EEF1D: variants seen among roughly 807,000 people sequenced by gnomAD.
The protein encoded by EEF1D is eukaryotic translation elongation factor 1 delta.
EEF1D carries 47 observed loss-of-function variants against 63.9 expected under a neutral mutation model. The observed-to-expected ratio is 0.74, with a 90% CI of 0.58 to 0.94. EEF1D has a LOEUF of 0.94. Ranked by LOEUF, EEF1D falls within the 40% of genes least tolerant of loss-of-function variation. The pLI is 0.00. For missense variants in EEF1D, 907 were observed against 899.0 expected, an observed-to-expected ratio of 1.01 and a Z score of -0.11; for synonymous variants, 412 against 386.1, an observed-to-expected ratio of 1.07 and a Z score of -0.79.
chr8:143,583,195 G>A (rs1200776264), intron 5 of EEF1D: 3 of 152,280 alleles, frequency 2.0e-5, no homozygotes, highest in East Asian at 1.9e-4. Context: ...AAGACATGGA[G>A]AAGACGGTCT....
rs1282714431 is a variant in EEF1D at position 143,586,822 on chromosome 8, A to G, written c.1122T>C (p.His374=). The change falls in exon 4 of 10, where the codon CAT becomes CAC. Residue 374 remains histidine (H), a synonymous_variant. Coordinates refer to ENST00000618139, the MANE Select transcript of EEF1D (RefSeq NM_001130053.5). Reference sequence around the variant, plus strand: ...TGAACTTGTCGAACCAGATCTTCTCATGTGCTAGGAAGTTTGTAGCCATTT... The same window carrying G: ...TGAACTTGTCGAACCAGATCTTCTCGTGTGCTAGGAAGTTTGTAGCCATTT... ...NRKMATNFLA[H]EKIWFDKFKY... is the part of the protein sequence containing the mutation. The G allele has an allele frequency of 6.2e-7, 1 of 1,613,982 alleles. No homozygotes were observed. Among genetic ancestry groups the G allele is most frequent in the Non-Finnish European group, 8.5e-7 (1 of 1,179,958 alleles).
Position 143,589,739 on chromosome 8 carries a change from T to C in EEF1D, c.343A>G (p.Lys115Glu). Residue 115 changes from lysine (K) to glutamate (E), a missense_variant, in exon 3 of 10, where the codon AAG becomes GAG. By Grantham distance (56) the Lys-to-Glu change is moderately conservative. Coordinates refer to ENST00000618139, the MANE Select transcript of EEF1D (RefSeq NM_001130053.5). ...GLSAERVWLD[K>E]SLFDQAESSY... is the part of the protein sequence containing the mutation. ...CTCTCTGCCTGGTCGAAAAGTGACT[T>C]GTCCAGCCACACGCGTTCGGCCGAG... 6.6e-7 allele frequency: 1 copy of C among 1,524,920 alleles called. No individual in the cohort carries two copies. 94.5% of individuals were successfully genotyped at this position (1,524,920 alleles called of 1,614,324 possible). A position where few individuals can be genotyped will look rare whatever the true frequency, so the allele number is the denominator to read the frequency against.
chr8:143,588,876 C>T (rs891703097), intron 3 of EEF1D, 115 bp downstream of exon 3: 9 of 1,384,220 alleles, frequency 6.5e-6, no homozygotes, highest in Middle Eastern at 2.6e-4. Flanking sequence ...CCACGGGTCT[C>T]GGGGAGCCCC....
rs770641443 is a variant in EEF1D, at chr8:143,589,214, C to G, written c.868G>C (p.Gly290Arg). The G allele has an allele frequency of 6.3e-7, 1 of 1,582,800 alleles. No individual in the cohort carries two copies. Among genetic ancestry groups the G allele is most frequent in the African/African-American group, 1.3e-5 (1 of 74,434 alleles). Residue 290 changes from glycine to arginine, a missense_variant, in exon 3 of 10, where the codon GGG becomes CGG. Gly to Arg is a moderately radical substitution (Grantham distance 125). Coordinates refer to ENST00000618139, the MANE Select transcript of EEF1D (RefSeq NM_001130053.5). Reference sequence around the variant, plus strand: ...GCCTCCCCATCGGCCCGTCGCAGCCCGGCCCGCTTGTTCCCTAAGATGTTG... The same window carrying G: ...GCCTCCCCATCGGCCCGTCGCAGCCGGGCCCGCTTGTTCCCTAAGATGTTG... ...GRNILGNKRA[G>R]LRRADGEAPS...
intron 4 of EEF1D, 59 bp downstream of exon 4, chr8:143,586,670 G>A (rs1826701610): frequency 1.9e-6 from 3 of 1,592,538 alleles, no homozygotes; most frequent in Middle Eastern, 2.2e-4. Flanking sequence ...CGCTTTGTGT[G>A]CCCCGGCCAC....
Position 143,589,750 on chromosome 8 carries a change from A to C in EEF1D, c.332T>G (p.Val111Gly). The change falls in exon 3 of 10, where the codon GTG becomes GGG. Residue 111 changes from valine to glycine, a missense_variant. By Grantham distance (109) the Val-to-Gly change is moderately radical (BLOSUM62 -3). Transcript: ENST00000618139. Reference protein sequence around the residue: ...LALLGLSAERVWLDKSLFDQA... With the variant: ...LALLGLSAERGWLDKSLFDQA... The stretch of plus-strand genomic sequence containing the variant: ...GTCGAAAAGTGACTTGTCCAGCCAC[A>C]CGCGTTCGGCCGAGAGGCCCAGGAG... 1.3e-6 allele frequency: 2 copies of C among 1,532,488 alleles called. No homozygotes were observed. The highest frequency in any genetic ancestry group is 1.8e-6 in the Non-Finnish European group (2 of 1,140,684). 94.9% of individuals were successfully genotyped at this position (1,532,488 alleles called of 1,614,324 possible).
rs778012988 is a variant in EEF1D, at chr8:143,589,161, G to A, written c.921C>T (p.Phe307=). Residue 307 remains phenylalanine (F), a synonymous_variant, in exon 3 of 10, where the codon TTC becomes TTT. Coordinates refer to ENST00000618139, the MANE Select transcript of EEF1D (RefSeq NM_001130053.5). ...EAPSALPYCY[F]LQKDAEAPWL... The stretch of plus-strand genomic sequence containing the variant: ...AGGGGGCCTCTGCATCCTTCTGCAG[G>A]AAGTAACAGTAGGGCAAGGCAGAGG... 1.2e-6 allele frequency: 2 copies of A among 1,607,480 alleles called. No individual in the cohort carries two copies. The highest frequency in any genetic ancestry group is 1.7e-6 in the Non-Finnish European group (2 of 1,177,220).
chr8:143,589,291 C>A lies in EEF1D; in HGVS notation c.791G>T (p.Arg264Leu). 3 of 1,586,216 alleles carry A rather than the reference C, an allele frequency of 1.9e-6. No individual in the cohort carries two copies. Among genetic ancestry groups the A allele is most frequent in the Non-Finnish European group, 2.6e-6 (3 of 1,165,654 alleles). Reference protein sequence around the residue: ...HPPGKVRLQERAGLAEGARRG... With the variant: ...HPPGKVRLQELAGLAEGARRG... Reference sequence around the variant, plus strand: ...CCGGGCACCCTCGGCCAGGCCGGCTCGCTCTTGCAGGCGCACCTTCCCTGG... The same window carrying A: ...CCGGGCACCCTCGGCCAGGCCGGCTAGCTCTTGCAGGCGCACCTTCCCTGG... The change falls in exon 3 of 10, where the codon CGA becomes CTA. Residue 264 changes from arginine (R) to leucine (L), a missense_variant. Transcript: ENST00000618139.
intron 5 of EEF1D, chr8:143,585,962 CAGCCGGCCCCACAGG>C: frequency 2.2e-6 from 1 of 462,916 alleles, no homozygotes; most frequent in Non-Finnish European, 3.9e-6. Context: ...ACTCAGCTCC[CAGCCGGCCCCACAGG>C]AGCGGCCAGT....
chr8:143,581,375 G>T, intron 5 of EEF1D, 47 bp from the exon 6 acceptor site: 1 of 1,547,738 alleles, frequency 6.5e-7, no homozygotes, highest in Non-Finnish European at 8.8e-7. Flanking sequence ...CCTGCTCCTA[G>T]GGTCCCCCTG....
intron 2 of EEF1D, 34 bp from the exon 3 acceptor site, chr8:143,590,115 G>A (rs1191894610): frequency 1.9e-6 from 3 of 1,597,986 alleles, no homozygotes; most frequent in Non-Finnish European, 2.5e-6. Flanking sequence ...CAAGCAGAGG[G>A]CAGAGTTGCA....
In EEF1D at chr8:143,589,800, G is replaced by A. The variant is rs146096793; in HGVS notation, c.282C>T (p.Ser94=). The A allele has an allele frequency of 5.1e-5, 81 of 1,593,608 alleles. No individual in the cohort carries two copies. The African/African-American group carries it at 9.2e-4, about 18-fold the overall frequency. ...LQKKRKRSPK[S]GLGPADLALL... Reference sequence around the variant, plus strand: ...GGGCCAGGTCCGCGGGGCCGAGCCCGCTCTTGGGGGAGCGCTTCCTCTTTT... The same window carrying A: ...GGGCCAGGTCCGCGGGGCCGAGCCCACTCTTGGGGGAGCGCTTCCTCTTTT... The change falls in exon 3 of 10, where the codon AGC becomes AGT. Residue 94 remains serine (S), a synonymous_variant. Coordinates refer to ENST00000618139, the MANE Select transcript of EEF1D (RefSeq NM_001130053.5).
intron 9 of EEF1D, 83 bp downstream of exon 9, chr8:143,579,929 C>T (rs1824996415): frequency 6.4e-7 from 1 of 1,554,092 alleles, no homozygotes; most frequent in Non-Finnish European, 8.7e-7. Context: ...GGACTCGCTC[C>T]CCACTGCCGT....
In EEF1D at chr8:143,581,228, C is replaced by A; in HGVS notation, c.1387+1G>T. ...CCCAACCCACTGGCCCGGGGCCTCACCGCCACGCAGACTCTGGTTCTCCAC... is the reference window on the plus strand; with the variant it reads ...CCCAACCCACTGGCCCGGGGCCTCAACGCCACGCAGACTCTGGTTCTCCAC... On this transcript the variant is annotated splice_donor_variant, in intron 6 of 9. Coordinates refer to ENST00000618139, the MANE Select transcript of EEF1D (RefSeq NM_001130053.5). LOFTEE classifies it high-confidence loss of function. 6.2e-7 allele frequency: 1 copy of A among 1,612,800 alleles called. No homozygotes were observed. The highest frequency in any genetic ancestry group is 8.5e-7 in the Non-Finnish European group (1 of 1,179,944).
chr8:143,580,822 C>T (rs1342751979), intron 7 of EEF1D, 95 bp from the exon 8 acceptor site: 32 of 1,432,918 alleles, frequency 2.2e-5, no homozygotes, highest in Non-Finnish European at 6.8e-6. Flanking sequence ...CCTCCTTTGA[C>T]TGGAGGAAGG....
chr8:143,592,621 G>A, intron 2 of EEF1D, 26 bp downstream of exon 2: 2 of 985,736 alleles, frequency 2.0e-6, no homozygotes, highest in Non-Finnish European at 2.4e-6. Context: ...AAGGGGAATG[G>A]GGCATGAGGA....
intron 2 of EEF1D, 56 bp downstream of exon 2, chr8:143,592,591 G>A: frequency 2.0e-6 from 2 of 984,738 alleles, no homozygotes; most frequent in Non-Finnish European, 2.4e-6. Flanking sequence ...AGCGAGGGCT[G>A]GGGGTTCCCC....
chr8:143,585,110 G>A (rs925638184), intron 5 of EEF1D, among the ~76,000 whole-genome samples: 1 of 152,058 alleles, frequency 6.6e-6, no homozygotes, highest in African/African-American at 2.4e-5. Context: ...AGAATCTCCG[G>A]CGCCCACGTC....
At chr8:143,592,223 G>C (rs991568454) in intron 2 of EEF1D, 4 of 985,436 alleles carry the variant, frequency 4.1e-6, no homozygotes, top group Admixed American at 6.1e-5. Context: ...GAGCCGTGCA[G>C]GTCCCATCAG....
Sources: gnomAD v4.1 joint callset for allele counts (sites outside exome capture counted in the v4.1 genomes callset) on GRCh38, gnomAD v4.1.1 for gene constraint, MANE v1.5 for transcripts, NCBI Gene and HGNC (gene_info 2026-07-23, HGNC 2026-07-21) for gene names.